Variants in KIFAP3 observed in about 807,000 individuals in gnomAD.
KIFAP3 encodes kinesin-associated protein 3.
A neutral mutation model predicts 106.5 loss-of-function variants in KIFAP3; 68 were observed. That is an observed-to-expected ratio of 0.64 (90% CI 0.53 to 0.78). KIFAP3 has a LOEUF of 0.78. Among genes scored for constraint, KIFAP3 ranks in the 30% least tolerant of loss-of-function variants. KIFAP3 has a pLI of 0.00. For missense variants in KIFAP3, 780 were observed against 941.8 expected (o/e 0.83, Z 2.25); for synonymous variants, 320 against 311.5 (o/e 1.03, Z -0.29).
chr1:170,033,206 TC>T (rs1669504834), intron 7 of KIFAP3, among the ~76,000 whole-genome samples: 1 of 151,714 alleles, frequency 6.6e-6, no homozygotes. Context: ...TTAAGAAAAG[TC>T]AAAGCTTGTG....
intron 5 of KIFAP3, among the ~76,000 whole-genome samples, chr1:170,037,727 C>T (rs4385776): frequency 0.063 from 9,577 of 152,102 alleles, 384 homozygotes; most frequent in Non-Finnish European, 0.095. Flanking sequence ...GCGGAGATCG[C>T]GCCACTGCAC....
Position 169,977,589 on chromosome 1 carries a change from C to T in KIFAP3, c.1897+496G>A, listed in dbSNP as rs553541304. Among the ~76,000 whole-genome samples the T allele has an allele frequency of 2.0e-5, 3 of 152,180 alleles. No homozygotes were observed. In the South Asian group the frequency reaches 6.2e-4, roughly 32 times the overall value. Reference sequence around the variant, plus strand: ...AATTAGGGCTATTTGATTTACAATGCTCTTTAGGCTACAACATGCTATGCC... The same window carrying T: ...AATTAGGGCTATTTGATTTACAATGTTCTTTAGGCTACAACATGCTATGCC... On this transcript the variant is annotated intron_variant, in intron 16 of 19. Transcript: ENST00000361580.
chr1:169,950,705 G>T (rs1410081113), intron 19 of KIFAP3, among the ~76,000 whole-genome samples: 1 of 151,884 alleles, frequency 6.6e-6, no homozygotes. Context: ...TAATTAACTT[G>T]CATTTCTTGA....
chr1:169,978,226 T>A, intron 15 of KIFAP3, 43 bp from the exon 16 acceptor site: 1 of 1,251,036 alleles, frequency 8.0e-7, no homozygotes, highest in South Asian at 1.2e-5. Context: ...ACTATGTTTA[T>A]ATACCAAATT....
chr1:170,013,035 T>TA (rs1668319834), intron 10 of KIFAP3, among the ~76,000 whole-genome samples: 1 of 152,084 alleles, frequency 6.6e-6, no homozygotes, highest in Non-Finnish European at 1.5e-5. Context: ...ATACAGTGCC[T>TA]TTAGAAAAGA....
chr1:170,029,198 T>C (rs535032546), intron 8 of KIFAP3, among the ~76,000 whole-genome samples: 41 of 152,290 alleles, frequency 2.7e-4, no homozygotes, highest in Non-Finnish European at 4.7e-4. Flanking sequence ...CTACATCCTA[T>C]ATCTTTATGT....
At chr1:170,009,326 T>C (rs1668128369) in intron 10 of KIFAP3, among the ~76,000 whole-genome samples, 1 of 151,912 alleles carries the variant, frequency 6.6e-6, no homozygotes, top group Admixed American at 6.6e-5. Flanking sequence ...AAATGTACAA[T>C]AATATCACAC....
At chr1:169,991,597 A>G (rs980637883) in intron 11 of KIFAP3, among the ~76,000 whole-genome samples, 1 of 152,176 alleles carries the variant, frequency 6.6e-6, no homozygotes, top group Non-Finnish European at 1.5e-5. Context: ...CAAAGACACA[A>G]GTGTTTATTA....
At chr1:169,930,914 C>CTTT (rs151201224) in intron 19 of KIFAP3, among the ~76,000 whole-genome samples, 18 of 100,402 alleles carry the variant, frequency 1.8e-4, no homozygotes, top group Non-Finnish European at 2.5e-4. Flanking sequence ...ATTATTACTT[C>CTTT]TTTTTTTTTT....
chr1:169,995,398 G>T (rs1667321582), intron 10 of KIFAP3, among the ~76,000 whole-genome samples: 1 of 151,980 alleles, frequency 6.6e-6, no homozygotes, highest in South Asian at 2.1e-4. Flanking sequence ...TATTCTGAAG[G>T]AAAGTTTCTC....
intron 18 of KIFAP3, among the ~76,000 whole-genome samples, chr1:169,954,711 A>C (rs1430973714): frequency 6.6e-6 from 1 of 152,200 alleles, no homozygotes; most frequent in Non-Finnish European, 1.5e-5. Context: ...TCTTAAAAGG[A>C]TATACTATAC....
rs923712074 is a variant in KIFAP3 at position 169,921,890 on chromosome 1, T to C, written c.2274-109A>G. The C allele has an allele frequency of 1.8e-5, 14 of 790,408 alleles. No individual in the cohort carries two copies. The East Asian group carries it at 1.9e-4, about 11-fold the overall frequency. The allele number at this position is 790,408 out of a possible 1,614,324, so 49.0% of individuals were successfully genotyped here. A position where few individuals can be genotyped will look rare whatever the true frequency, so the allele number is the denominator to read the frequency against. On this transcript the variant is annotated intron_variant, in intron 19 of 19. Transcript: ENST00000361580. Reference sequence around the variant, plus strand: ...ACCAAGATTCTCTTCCTAGCAGGGATAGTGATTTAGGTGGATATCATTAAC... The same window carrying C: ...ACCAAGATTCTCTTCCTAGCAGGGACAGTGATTTAGGTGGATATCATTAAC...
At chr1:169,933,966 A>T (rs1663642311) in intron 19 of KIFAP3, among the ~76,000 whole-genome samples, 1 of 152,160 alleles carries the variant, frequency 6.6e-6, no homozygotes, top group Non-Finnish European at 1.5e-5. Context: ...AATAAGAATA[A>T]TGGCTATATC....
At chr1:170,017,041 G>A (rs1668557472) in intron 9 of KIFAP3, among the ~76,000 whole-genome samples, 1 of 152,156 alleles carries the variant, frequency 6.6e-6, no homozygotes, top group African/African-American at 2.4e-5. Context: ...GGCAGATCAC[G>A]AGGTCAAGAG....
chr1:170,023,927 T>C (rs1008215696), intron 9 of KIFAP3: 1 of 152,058 alleles, frequency 6.6e-6, no homozygotes, highest in African/African-American at 2.4e-5. Flanking sequence ...GAAGAAATAT[T>C]ACAGTTTCAA....
chr1:169,947,201 G>T (rs2101827393), intron 19 of KIFAP3, among the ~76,000 whole-genome samples: 1 of 151,988 alleles, frequency 6.6e-6, no homozygotes, highest in Admixed American at 6.5e-5. Context: ...TACTTGGCTT[G>T]AAATAGATGT....
At chr1:170,078,337 A>G (rs1671959987), upstream of KIFAP3, among the ~76,000 whole-genome samples, 1 of 152,124 alleles carries the variant, frequency 6.6e-6, no homozygotes, top group African/African-American at 2.4e-5. Context: ...ATGTTTAATT[A>G]CCATTTCTAT....
intron 10 of KIFAP3, among the ~76,000 whole-genome samples, chr1:169,993,843 C>T (rs1385499008): frequency 6.6e-6 from 1 of 152,284 alleles, no homozygotes; most frequent in Non-Finnish European, 1.5e-5. Flanking sequence ...CCAGATCATG[C>T]CACTGCACGC....
chr1:169,983,750 A>G (rs555937346), intron 12 of KIFAP3, among the ~76,000 whole-genome samples: 2 of 152,020 alleles, frequency 1.3e-5, no homozygotes, highest in East Asian at 3.9e-4. Context: ...AAAAACAAAA[A>G]TACTTTTGAC....
Sources: allele counts gnomAD v4.1 joint callset (sites outside exome capture counted in the v4.1 genomes callset), GRCh38; gene constraint gnomAD v4.1.1; transcripts MANE v1.5; gene names NCBI Gene and HGNC (gene_info 2026-07-23, HGNC 2026-07-21).